HYCC1: variants seen among roughly 807,000 people sequenced by gnomAD.
The protein encoded by HYCC1 is hyccin PI4KA lipid kinase complex subunit 1, also known as hyccin.
the HYCC1 span, among the ~76,000 whole-genome samples, chr7:22,925,998 A>G: frequency 6.6e-6 from 1 of 152,214 alleles, no homozygotes; most frequent in African/African-American, 2.4e-5. Flanking sequence ...CAGAAACTCT[A>G]CAAGCCACAA....
At chr7:22,909,502 G>A in the HYCC1 span, among the ~76,000 whole-genome samples, 4 of 152,058 alleles carry the variant, frequency 2.6e-5, no homozygotes, top group South Asian at 2.1e-4. Context: ...ACCACTCCAC[G>A]CATGTCTTCT....
At chr7:22,946,980 T>C in the HYCC1 span, 1 of 1,549,200 alleles carries the variant, frequency 6.5e-7, no homozygotes, top group South Asian at 1.2e-5. Flanking sequence ...AGTGCTCTGC[T>C]AAAACTGCAC....
chr7:23,001,286 C>A, the HYCC1 span, among the ~76,000 whole-genome samples: 2 of 152,258 alleles, frequency 1.3e-5, no homozygotes, highest in East Asian at 3.9e-4. Flanking sequence ...AGAAAGCTAA[C>A]ACTTAAAGAA....
At chr7:22,977,282 A>G in the HYCC1 span, 1 of 1,060,384 alleles carries the variant, frequency 9.4e-7, no homozygotes, top group African/African-American at 1.6e-5. Flanking sequence ...CTAGATTATA[A>G]CTTGTGGCAA....
chr7:22,995,828 G>T, the HYCC1 span, among the ~76,000 whole-genome samples: 1 of 152,104 alleles, frequency 6.6e-6, no homozygotes, highest in African/African-American at 2.4e-5. Context: ...TACGGAAAGA[G>T]GAAAAGAGTA....
chr7:22,903,776 T>C, the HYCC1 span, among the ~76,000 whole-genome samples: 4 of 152,336 alleles, frequency 2.6e-5, no homozygotes, highest in African/African-American at 9.6e-5. Context: ...TGAGTAGTGG[T>C]TCATGATGTT....
chr7:22,928,090 G>A, the HYCC1 span, among the ~76,000 whole-genome samples: 1 of 152,122 alleles, frequency 6.6e-6, no homozygotes, highest in Non-Finnish European at 1.5e-5. Context: ...AAAACCACAT[G>A]ATTATCTCAA....
the HYCC1 span, among the ~76,000 whole-genome samples, chr7:22,954,789 C>T: frequency 2.0e-5 from 3 of 151,434 alleles, no homozygotes; most frequent in Non-Finnish European, 4.4e-5. Context: ...ATTTTGTACT[C>T]TTGGATCCCC....
chr7:22,925,739 C>T, the HYCC1 span, among the ~76,000 whole-genome samples: 5 of 152,188 alleles, frequency 3.3e-5, no homozygotes, highest in Middle Eastern at 3.2e-3. Flanking sequence ...GAGAATGGAA[C>T]CGAGTTGGAA....
chr7:23,002,559 G>A, the HYCC1 span, among the ~76,000 whole-genome samples: 1 of 152,014 alleles, frequency 6.6e-6, no homozygotes, highest in African/African-American at 2.4e-5. Flanking sequence ...TGGCTGTATT[G>A]GGAAAGGTGA....
At chr7:22,990,911 G>T in the HYCC1 span, 1 of 602,678 alleles carries the variant, frequency 1.7e-6, no homozygotes, top group South Asian at 2.1e-5. Context: ...AGATTACTAT[G>T]TGTAAATAAC....
the HYCC1 span, among the ~76,000 whole-genome samples, chr7:23,007,316 A>C: frequency 6.6e-6 from 1 of 152,180 alleles, no homozygotes; most frequent in African/African-American, 2.4e-5. Flanking sequence ...ATTACATCAG[A>C]TAGAAATTGA....
At chr7:22,896,574 C>G in the HYCC1 span, among the ~76,000 whole-genome samples, 1 of 152,178 alleles carries the variant, frequency 6.6e-6, no homozygotes, top group Non-Finnish European at 1.5e-5. Context: ...GTCTCAGTGT[C>G]TGCCCCTTGG....
chr7:22,933,231 T>C, the HYCC1 span, among the ~76,000 whole-genome samples: 1 of 152,198 alleles, frequency 6.6e-6, no homozygotes, highest in East Asian at 1.9e-4. Flanking sequence ...TAAATCTTTA[T>C]CTTCTACCTA....
the HYCC1 span, among the ~76,000 whole-genome samples, chr7:22,996,463 G>A: frequency 6.6e-6 from 1 of 151,578 alleles, no homozygotes; most frequent in Non-Finnish European, 1.5e-5. Flanking sequence ...TGTTACATGG[G>A]TATACTGTGT....
the HYCC1 span, among the ~76,000 whole-genome samples, chr7:22,929,686 G>C: frequency 6.6e-6 from 1 of 152,124 alleles, no homozygotes; most frequent in Non-Finnish European, 1.5e-5. Context: ...TAAAAAGTCA[G>C]GAAACAACAG....
chr7:22,902,062 T>C, the HYCC1 span, among the ~76,000 whole-genome samples: 2 of 152,112 alleles, frequency 1.3e-5, no homozygotes, highest in African/African-American at 2.4e-5. Context: ...AAGGAATTGA[T>C]AGCATGTAGA....
the HYCC1 span, among the ~76,000 whole-genome samples, chr7:22,965,560 T>TA: frequency 3.0e-5 from 2 of 67,154 alleles, no homozygotes; most frequent in Non-Finnish European, 6.6e-5. Flanking sequence ...GAACTTAAAG[T>TA]AAAAAAATAA....
chr7:22,960,218 C>A, the HYCC1 span: 1 of 1,592,586 alleles, frequency 6.3e-7, no homozygotes, highest in South Asian at 1.1e-5. Context: ...GTAAAAGAAT[C>A]AACAATGGTT....
Sources: allele counts gnomAD v4.1 joint callset (sites outside exome capture counted in the v4.1 genomes callset), GRCh38; gene constraint gnomAD v4.1.1; transcripts MANE v1.5; gene names NCBI Gene and HGNC (gene_info 2026-07-23, HGNC 2026-07-21).